Variants in GRM5 observed in about 807,000 individuals in gnomAD.
The protein encoded by GRM5 is glutamate metabotropic receptor 5, also known as metabotropic glutamate receptor 5.
Under a neutral mutation model 83.1 loss-of-function variants are expected in GRM5, and 19 were observed. That is an observed-to-expected ratio of 0.23 (90% confidence interval 0.16 to 0.34). The LOEUF (loss-of-function observed/expected upper bound fraction) is 0.34. Ranked by LOEUF, GRM5 falls within the 10% of genes least tolerant of loss-of-function variation. GRM5 has a pLI of 1.00. For synonymous variants in GRM5, 675 were observed against 633.6 expected, an observed-to-expected ratio of 1.07 and a Z score of -0.98; for missense variants, 1,160 against 1,588.3, an observed-to-expected ratio of 0.73 and a Z score of 4.58.
At chr11:89,019,636 T>A (rs1591053116) in intron 2 of GRM5, among the ~76,000 whole-genome samples, 1 of 151,316 alleles carries the variant, frequency 6.6e-6, no homozygotes, top group Non-Finnish European at 1.5e-5. Context: ...GCCCCGGAGG[T>A]GGAGACTGCA....
At chr11:88,680,290 T>G (rs890389830) in intron 3 of GRM5, among the ~76,000 whole-genome samples, 1 of 151,944 alleles carries the variant, frequency 6.6e-6, no homozygotes, top group Non-Finnish European at 1.5e-5. Context: ...TGTGTCCAAG[T>G]GTTATCATTG....
At position 89,037,565 on chromosome 11, in the gene GRM5, A is replaced by G. The variant is rs147017767; in HGVS notation, c.661+9647T>C. Among the ~76,000 whole-genome samples, 1,293 of 152,268 alleles carry G rather than the reference A, an allele frequency of 8.5e-3. 15 individuals are homozygous for G. The highest frequency in any genetic ancestry group is 0.03 in the African/African-American group (1,244 of 41,550). ...AGGATGAACCCAGGCAAATTTGAGT[A>G]CAAATACTGATTAATAGTCTTGCTA... On this transcript the variant is annotated intron_variant, in intron 2 of 9. Coordinates refer to ENST00000305447, the MANE Select transcript of GRM5 (RefSeq NM_001143831.3).
chr11:88,625,638 A>C (rs748783484), intron 4 of GRM5, among the ~76,000 whole-genome samples: 3 of 152,064 alleles, frequency 2.0e-5, no homozygotes, highest in Non-Finnish European at 2.9e-5. Context: ...AGAGAAAGGG[A>C]GGGGGGCAAG....
intron 3 of GRM5, among the ~76,000 whole-genome samples, chr11:88,731,711 G>T (rs1020109304): frequency 3.9e-5 from 6 of 151,922 alleles, no homozygotes; most frequent in Non-Finnish European, 8.8e-5. Flanking sequence ...TATATTTACA[G>T]AAATTAACTG....
At chr11:88,724,770 G>A (rs1941635489) in intron 3 of GRM5, among the ~76,000 whole-genome samples, 1 of 152,086 alleles carries the variant, frequency 6.6e-6, no homozygotes, top group Admixed American at 6.5e-5. Context: ...GCTGAAGCAG[G>A]GTGGGGCATC....
chr11:88,920,520 T>C lies in GRM5; in HGVS notation c.662-70365A>G, dbSNP rs138300817. Reference sequence around the variant, plus strand: ...ACTAATACAAATACTACTCAAAGTGTTCCAATATATAGAGGAGGAGGGAAT... The same window carrying C: ...ACTAATACAAATACTACTCAAAGTGCTCCAATATATAGAGGAGGAGGGAAT... On this transcript the variant is annotated intron_variant, in intron 2 of 9. Transcript: ENST00000305447. Among the ~76,000 whole-genome samples the C allele has an allele frequency of 4.0e-3, 610 of 151,528 alleles. 3 individuals are homozygous for C. Among genetic ancestry groups the C allele is most frequent in the African/African-American group, 0.014 (583 of 41,222 alleles).
intron 2 of GRM5, among the ~76,000 whole-genome samples, chr11:88,946,104 A>G (rs1938276745): frequency 6.6e-6 from 1 of 152,054 alleles, no homozygotes; most frequent in South Asian, 2.1e-4. Flanking sequence ...CTAAAAAGAA[A>G]ACATACAAGA....
chr11:88,675,265 C>T (rs1940299550), intron 3 of GRM5, among the ~76,000 whole-genome samples: 1 of 151,998 alleles, frequency 6.6e-6, no homozygotes, highest in African/African-American at 2.4e-5. Context: ...TTTCAAGACA[C>T]TATTTCATTC....
chr11:88,952,643 C>T (rs1325713447), intron 2 of GRM5, among the ~76,000 whole-genome samples: 3 of 151,504 alleles, frequency 2.0e-5, no homozygotes, highest in African/African-American at 7.3e-5. Context: ...TTTTTAATCC[C>T]CAGGAATGCT....
intron 2 of GRM5, among the ~76,000 whole-genome samples, chr11:88,973,974 A>G (rs553006767): frequency 3.0e-4 from 46 of 152,210 alleles, no homozygotes; most frequent in Admixed American, 1.8e-3. Flanking sequence ...GAGGAAGATC[A>G]ACACTTTCTA....
At chr11:88,528,190 A>T (rs1197344580) in intron 8 of GRM5, among the ~76,000 whole-genome samples, 1 of 152,102 alleles carries the variant, frequency 6.6e-6, no homozygotes, top group Non-Finnish European at 1.5e-5. Context: ...AAAATTCAAA[A>T]CAATAATAAC....
In GRM5 at chr11:88,667,884, C is replaced by G. The variant is rs1177176466; in HGVS notation, c.912-14481G>C. ...CTCCAGCATGGGCGACAGAGGGAGA[C>G]TCTATCAAAAAAGAAAAAAAAAAGA... On this transcript the variant is annotated intron_variant, in intron 3 of 9. Transcript: ENST00000305447. 2.7e-5 allele frequency among the ~76,000 whole-genome samples: 4 copies of G among 149,406 alleles called. No individual in the cohort carries two copies. The East Asian group carries it at 7.9e-4, about 29-fold the overall frequency.
chr11:88,729,018 G>T (rs1941745143), intron 3 of GRM5, among the ~76,000 whole-genome samples: 1 of 152,238 alleles, frequency 6.6e-6, no homozygotes, highest in Middle Eastern at 3.4e-3. Flanking sequence ...GGAAGTTCTG[G>T]CTAGGGCAAT....
chr11:88,691,754 G>A (rs1468900195), intron 3 of GRM5, among the ~76,000 whole-genome samples: 1 of 152,096 alleles, frequency 6.6e-6, no homozygotes. Context: ...CCAAAACCAG[G>A]CATTTAATCA....
intron 3 of GRM5, among the ~76,000 whole-genome samples, chr11:88,739,402 T>C (rs924114426): frequency 6.6e-6 from 1 of 152,120 alleles, no homozygotes; most frequent in Non-Finnish European, 1.5e-5. Flanking sequence ...AAAAATCTTA[T>C]TCAGGATCAT....
intron 2 of GRM5, among the ~76,000 whole-genome samples, chr11:88,890,114 C>CATCCCCAA (rs917827053): frequency 2.6e-5 from 4 of 151,596 alleles, no homozygotes; most frequent in Non-Finnish European, 5.9e-5. Context: ...GATATGGAAA[C>CATCCCCAA]ATCCCCACAT....
chr11:89,005,730 A>T (rs1172478623), intron 2 of GRM5, among the ~76,000 whole-genome samples: 1 of 152,190 alleles, frequency 6.6e-6, no homozygotes, highest in Admixed American at 6.5e-5. Flanking sequence ...GTAACGGTGG[A>T]TGCCTTCAGT....
intron 3 of GRM5, among the ~76,000 whole-genome samples, chr11:88,689,717 G>A (rs987898010): frequency 1.3e-5 from 2 of 152,032 alleles, no homozygotes; most frequent in Admixed American, 6.6e-5. Flanking sequence ...TTAAGGTCAC[G>A]CCTATGCCTT....
intron 3 of GRM5, among the ~76,000 whole-genome samples, chr11:88,702,471 G>T (rs570429134): frequency 6.6e-6 from 1 of 152,078 alleles, no homozygotes; most frequent in South Asian, 2.1e-4. Flanking sequence ...TATTTGTTGT[G>T]ATCCCAAAAA....
Sources: allele counts gnomAD v4.1 joint callset (sites outside exome capture counted in the v4.1 genomes callset), GRCh38; gene constraint gnomAD v4.1.1; transcripts MANE v1.5; gene names NCBI Gene and HGNC (gene_info 2026-07-23, HGNC 2026-07-21).